INPP4B: variants seen among roughly 807,000 people sequenced by gnomAD.
INPP4B encodes inositol polyphosphate 4-phosphatase type II.
INPP4B carries 55 observed loss-of-function variants against 122.5 expected under a neutral mutation model. The ratio of observed to expected loss-of-function variants is 0.45; its 90% CI spans 0.36 to 0.56. INPP4B has a LOEUF of 0.56. Among genes scored for constraint, INPP4B ranks in the 20% least tolerant of loss-of-function variants. INPP4B has a pLI of 0.00. For synonymous variants in INPP4B, 403 were observed against 388.7 expected, an observed-to-expected ratio of 1.04 and a Z score of -0.43; for missense variants, 1,000 against 1,097.7, an observed-to-expected ratio of 0.91 and a Z score of 1.26.
At chr4:142,585,221 G>A (rs1236537152) in intron 2 of INPP4B, among the ~76,000 whole-genome samples, 5 of 152,100 alleles carry the variant, frequency 3.3e-5, no homozygotes, top group African/African-American at 1.2e-4. Flanking sequence ...AGTTGTTCTT[G>A]GTTCCTTTCA....
At chr4:142,713,106 T>C (rs1431671485) in intron 2 of INPP4B, among the ~76,000 whole-genome samples, 6 of 152,174 alleles carry the variant, frequency 3.9e-5, no homozygotes, top group Admixed American at 1.3e-4. Flanking sequence ...TCAAAACCAG[T>C]AGGACTTGCT....
At chr4:142,327,952 G>T (rs770012919) in intron 7 of INPP4B, among the ~76,000 whole-genome samples, 2 of 152,108 alleles carry the variant, frequency 1.3e-5, no homozygotes, top group Admixed American at 1.3e-4. Flanking sequence ...TAAACTCAGG[G>T]CTGAAGTCAC....
At chr4:142,471,326 A>G (rs747019802) in intron 2 of INPP4B, among the ~76,000 whole-genome samples, 2 of 152,180 alleles carry the variant, frequency 1.3e-5, no homozygotes, top group African/African-American at 4.8e-5. Flanking sequence ...AACAAAACCT[A>G]GCATACCAGA....
chr4:142,475,549 C>A (rs534084502), intron 2 of INPP4B, among the ~76,000 whole-genome samples: 1 of 151,966 alleles, frequency 6.6e-6, no homozygotes, highest in African/African-American at 2.4e-5. Flanking sequence ...TGAAGATTAT[C>A]GACATTCAAA....
At chr4:142,458,782 T>C (rs1243751468) in intron 3 of INPP4B, among the ~76,000 whole-genome samples, 3 of 152,210 alleles carry the variant, frequency 2.0e-5, no homozygotes, top group African/African-American at 4.8e-5. Context: ...GGGTTTGATG[T>C]GGCTGATAGA....
intron 9 of INPP4B, among the ~76,000 whole-genome samples, chr4:142,284,831 T>G (rs1193720591): frequency 2.0e-5 from 3 of 151,996 alleles, no homozygotes. Flanking sequence ...GCAATACAAG[T>G]GTGAAATAGG....
intron 25 of INPP4B, among the ~76,000 whole-genome samples, chr4:142,048,399 A>G (rs1752699940): frequency 6.6e-6 from 1 of 152,154 alleles, no homozygotes; most frequent in Admixed American, 6.6e-5. Context: ...CTAAACAGTT[A>G]TCAGAGTGGG....
chr4:142,693,839 G>A (rs1760596767), intron 2 of INPP4B, among the ~76,000 whole-genome samples: 1 of 152,010 alleles, frequency 6.6e-6, no homozygotes, highest in South Asian at 2.1e-4. Flanking sequence ...ATAACTGAGA[G>A]CAAAGAAACA....
At chr4:142,458,535 G>A (rs1188688693) in intron 3 of INPP4B, among the ~76,000 whole-genome samples, 2 of 151,940 alleles carry the variant, frequency 1.3e-5, no homozygotes, top group South Asian at 2.1e-4. Context: ...AGGAGAGTGG[G>A]AAACAGCCTA....
chr4:142,444,202 T>C (rs1261798274), intron 3 of INPP4B, among the ~76,000 whole-genome samples: 4 of 152,212 alleles, frequency 2.6e-5, no homozygotes, highest in Admixed American at 2.6e-4. Flanking sequence ...AACTTGAAGA[T>C]AGTCTAATAG....
chr4:142,760,799 G>C (rs1771221425), intron 1 of INPP4B, among the ~76,000 whole-genome samples: 1 of 152,050 alleles, frequency 6.6e-6, no homozygotes, highest in African/African-American at 2.4e-5. Flanking sequence ...ACCACATCCA[G>C]GAACATAACT....
intron 1 of INPP4B, among the ~76,000 whole-genome samples, chr4:142,843,106 A>G (rs187452600): frequency 6.7e-6 from 1 of 150,118 alleles, no homozygotes; most frequent in Admixed American, 6.6e-5. Context: ...AGTAATTAAA[A>G]TTTTTGCACA....
intron 8 of INPP4B, 167 bp from the exon 9 acceptor site, chr4:142,305,704 T>C (rs531888273): frequency 2.8e-6 from 4 of 1,445,166 alleles, no homozygotes; most frequent in Non-Finnish European, 3.7e-6. Flanking sequence ...ATCTACCTCA[T>C]GGGGTAGGAT....
intron 1 of INPP4B, among the ~76,000 whole-genome samples, chr4:142,820,942 T>C (rs1271783035): frequency 2.0e-5 from 3 of 152,166 alleles, no homozygotes; most frequent in Non-Finnish European, 4.4e-5. Flanking sequence ...CAATGCTTTG[T>C]CTTATAAAGT....
intron 17 of INPP4B, among the ~76,000 whole-genome samples, chr4:142,157,481 T>C (rs751373010): frequency 3.3e-5 from 5 of 152,134 alleles, no homozygotes; most frequent in Non-Finnish European, 7.4e-5. Flanking sequence ...GTAATTATGG[T>C]AAATTTAGGC....
At chr4:142,380,587 A>G (rs139612445) in intron 7 of INPP4B, among the ~76,000 whole-genome samples, 267 of 152,244 alleles carry the variant, frequency 1.8e-3, no homozygotes, top group African/African-American at 6.3e-3. Flanking sequence ...TTTTTAAATG[A>G]TATTTATTTT....
chr4:142,089,470 CACACACACACAG>C lies in INPP4B; in HGVS notation c.2375-3226_2375-3215del, dbSNP rs1426401188. Among the ~76,000 whole-genome samples the C allele has an allele frequency of 3.3e-4, 36 of 110,696 alleles. 1 individual carries two copies. Among genetic ancestry groups the C allele is most frequent in the South Asian group, 6.1e-4 (2 of 3,286 alleles). The allele number at this position is 110,696 out of a possible 152,430, so 72.6% of individuals were successfully genotyped here. On this transcript the variant is annotated intron_variant, in intron 23 of 25. Transcript: ENST00000262992. ...ACACACACACACACACACACACACA[CACACACACACAG>C]AGAGAGAGAGAGAGAAAGTGATAAA...
intron 2 of INPP4B, among the ~76,000 whole-genome samples, chr4:142,561,878 T>C (rs1730549002): frequency 6.6e-6 from 1 of 152,214 alleles, no homozygotes; most frequent in Non-Finnish European, 1.5e-5. Context: ...GTAAAAAAGG[T>C]TCTGTCTAAA....
At chr4:142,558,793 T>TAAAAAAAAAAAA (rs34151070) in intron 2 of INPP4B, among the ~76,000 whole-genome samples, 27 of 75,542 alleles carry the variant, frequency 3.6e-4, no homozygotes, top group Admixed American at 1.5e-3. Flanking sequence ...AGACTCCCTC[T>TAAAAAAAAAAAA]AAAAAAAAAA....
Sources: allele counts gnomAD v4.1 joint callset (sites outside exome capture counted in the v4.1 genomes callset), GRCh38; gene constraint gnomAD v4.1.1; transcripts MANE v1.5; gene names NCBI Gene and HGNC (gene_info 2026-07-23, HGNC 2026-07-21).